The following CDC14B variants were observed in gnomAD, a reference collection of about 807,000 sequenced individuals.
The protein encoded by CDC14B is cell division cycle 14B, also known as dual specificity protein phosphatase CDC14B.
Under a neutral mutation model 64.2 loss-of-function variants are expected in CDC14B, and 22 were observed. The observed-to-expected ratio is 0.34, with a 90% CI of 0.24 to 0.49. The LOEUF (loss-of-function observed/expected upper bound fraction) is 0.49. Among genes scored for constraint, CDC14B ranks in the 20% least tolerant of loss-of-function variants. The pLI, the probability that CDC14B is intolerant of heterozygous loss-of-function variation, is 0.99. For missense variants in CDC14B, 498 were observed against 629.9 expected (o/e 0.79, Z 2.24); for synonymous variants, 191 against 215.8 (o/e 0.89, Z 1.01).
intron 1 of CDC14B, among the ~76,000 whole-genome samples, chr9:96,571,952 C>T (rs1440991750): frequency 6.6e-6 from 1 of 151,730 alleles, no homozygotes; most frequent in Non-Finnish European, 1.5e-5. Flanking sequence ...CCTTTTTGTC[C>T]AATCATATTT....
intron 5 of CDC14B, among the ~76,000 whole-genome samples, chr9:96,542,341 GTGTC>G (rs775564294): frequency 1.6e-4 from 25 of 152,278 alleles, no homozygotes; most frequent in Non-Finnish European, 3.2e-4. Flanking sequence ...ATTTATACGT[GTGTC>G]TGTCTGTGTG....
intron 4 of CDC14B, among the ~76,000 whole-genome samples, chr9:96,561,785 C>T (rs1219422521): frequency 1.3e-5 from 2 of 152,132 alleles, no homozygotes; most frequent in Non-Finnish European, 2.9e-5. Flanking sequence ...CTGCGCCCGG[C>T]CAAAACAACC....
chr9:96,563,956 T>C (rs1413952447), intron 3 of CDC14B, among the ~76,000 whole-genome samples: 1 of 152,216 alleles, frequency 6.6e-6, no homozygotes, highest in Non-Finnish European at 1.5e-5. Context: ...TGTAGCAATA[T>C]AGCTTTCATG....
chr9:96,523,795 A>T, intron 9 of CDC14B, 70 bp from the exon 10 acceptor site: 1 of 1,524,540 alleles, frequency 6.6e-7, no homozygotes, highest in Admixed American at 1.9e-5. Flanking sequence ...GGGCAGGCAG[A>T]ATTTTTTTAA....
At chr9:96,507,652 A>T (rs1355073632) in intron 13 of CDC14B, among the ~76,000 whole-genome samples, 1 of 151,794 alleles carries the variant, frequency 6.6e-6, no homozygotes, top group East Asian at 1.9e-4. Context: ...CTGACCTCAT[A>T]ATCTACCTGC....
chr9:96,503,589 G>A lies in CDC14B; in HGVS notation c.*164C>T, dbSNP rs1320383238. The A allele has an allele frequency of 1.6e-6, 1 of 628,164 alleles. No individual in the cohort carries two copies. The highest frequency in any genetic ancestry group is 2.8e-5 in the East Asian group (1 of 35,736). The allele number at this position is 628,164 out of a possible 1,614,324, so 38.9% of individuals were successfully genotyped here. ...TCATTTGCTTGCACCCAAACTCAAA[G>A]TTCATTATTCAAACTCCAGTGGACA... On this transcript the variant is annotated 3_prime_UTR_variant, in exon 14 of 14. Transcript: ENST00000375241.
At chr9:96,615,418 T>C (rs1018347849) in intron 1 of CDC14B, among the ~76,000 whole-genome samples, 1 of 152,154 alleles carries the variant, frequency 6.6e-6, no homozygotes, top group African/African-American at 2.4e-5. Context: ...CTATATTAAA[T>C]ACACACACAC....
intron 12 of CDC14B, chr9:96,514,836 T>C (rs1835412765): frequency 1.0e-6 from 1 of 985,338 alleles, no homozygotes; most frequent in Admixed American, 6.1e-5. Context: ...CTCTTGTACA[T>C]TCTTCTGCAG....
chr9:96,542,217 C>G (rs950356264), intron 5 of CDC14B, among the ~76,000 whole-genome samples: 11 of 150,660 alleles, frequency 7.3e-5, no homozygotes, highest in Non-Finnish European at 1.3e-4. Context: ...ATCTCTCCCC[C>G]AAAGGGGCAA....
intron 4 of CDC14B, among the ~76,000 whole-genome samples, chr9:96,562,186 G>A (rs900676389): frequency 2.0e-5 from 3 of 152,014 alleles, no homozygotes; most frequent in Non-Finnish European, 2.9e-5. Context: ...CTGACATCCC[G>A]TGGCCTCCTG....
chr9:96,588,830 G>A (rs1845612429), intron 1 of CDC14B, among the ~76,000 whole-genome samples: 1 of 152,146 alleles, frequency 6.6e-6, no homozygotes, highest in Non-Finnish European at 1.5e-5. Flanking sequence ...GGTTTTAGAA[G>A]AAGTCAGTAA....
At chr9:96,593,508 A>T (rs1026582754) in intron 1 of CDC14B, among the ~76,000 whole-genome samples, 2 of 151,694 alleles carry the variant, frequency 1.3e-5, no homozygotes, top group Non-Finnish European at 2.9e-5. Context: ...AAAAAAAGCA[A>T]GCCATACCAT....
At position 96,545,777 on chromosome 9, in the gene CDC14B, C is replaced by T. The variant is rs979785414; in HGVS notation, c.498-3885G>A. On this transcript the variant is annotated intron_variant, in intron 5 of 13. Coordinates refer to ENST00000375241, the MANE Select transcript of CDC14B (RefSeq NM_033331.4). Reference sequence around the variant, plus strand: ...CGCTCCAATCTGTGATGATTTCACACGCTTTCATCTGGGCCCTGCTGAAGT... The same window carrying T: ...CGCTCCAATCTGTGATGATTTCACATGCTTTCATCTGGGCCCTGCTGAAGT... 3.3e-5 allele frequency among the ~76,000 whole-genome samples: 5 copies of T among 151,694 alleles called. 1 individual carries two copies. Among genetic ancestry groups the T allele is most frequent in the East Asian group, 3.9e-4 (2 of 5,170 alleles).
chr9:96,593,381 G>C (rs1007644819), intron 1 of CDC14B, among the ~76,000 whole-genome samples: 1 of 151,854 alleles, frequency 6.6e-6, no homozygotes, highest in African/African-American at 2.4e-5. Context: ...CAGCTGGTCG[G>C]GAGACTGAGG....
intron 9 of CDC14B, among the ~76,000 whole-genome samples, chr9:96,532,765 A>T (rs917722590): frequency 6.6e-6 from 1 of 152,126 alleles, no homozygotes; most frequent in African/African-American, 2.4e-5. Flanking sequence ...TGAATTTTTC[A>T]TCTCAGTTTT....
intron 1 of CDC14B, among the ~76,000 whole-genome samples, chr9:96,613,932 T>C (rs1299459665): frequency 6.6e-6 from 1 of 152,226 alleles, no homozygotes; most frequent in Admixed American, 6.5e-5. Context: ...CCCTGTCTAA[T>C]GTCTGCTGTG....
At chr9:96,513,721 TC>T (rs1402495917) in intron 12 of CDC14B, among the ~76,000 whole-genome samples, 2 of 152,162 alleles carry the variant, frequency 1.3e-5, no homozygotes, top group African/African-American at 4.8e-5. Flanking sequence ...GGCTGTCCAC[TC>T]CGGACACCAC....
chr9:96,614,071 C>A (rs1489340088), intron 1 of CDC14B, among the ~76,000 whole-genome samples: 1 of 151,834 alleles, frequency 6.6e-6, no homozygotes, highest in Non-Finnish European at 1.5e-5. Flanking sequence ...AGTGTTTTTC[C>A]AATAAAATTA....
At chr9:96,603,179 CACACACACACACAAAT>C (rs1846622561) in intron 1 of CDC14B, among the ~76,000 whole-genome samples, 1 of 151,826 alleles carries the variant, frequency 6.6e-6, no homozygotes. Flanking sequence ...CACACACACA[CACACACACACACAAAT>C]ACACAAAACA....
Sources: gnomAD v4.1 joint callset for allele counts (sites outside exome capture counted in the v4.1 genomes callset) on GRCh38, gnomAD v4.1.1 for gene constraint, MANE v1.5 for transcripts, NCBI Gene and HGNC (gene_info 2026-07-23, HGNC 2026-07-21) for gene names.